The following ZNF131 variants were observed in gnomAD, a reference collection of about 807,000 sequenced individuals.
The protein encoded by ZNF131 is zinc finger and BTB domain containing 35, also known as zinc finger protein 131.
Under a neutral mutation model 60.0 loss-of-function variants are expected in ZNF131, and 7 were observed. That is an observed-to-expected ratio of 0.12 (90% confidence interval 0.07 to 0.22). The LOEUF (loss-of-function observed/expected upper bound fraction) is 0.22. Among genes scored for constraint, ZNF131 ranks in the 10% least tolerant of loss-of-function variants. The pLI is 1.00. For missense variants in ZNF131, 493 were observed against 740.9 expected, an observed-to-expected ratio of 0.67 and a Z score of 3.88; for synonymous variants, 257 against 253.2, an observed-to-expected ratio of 1.01 and a Z score of -0.14.
intron 4 of ZNF131, among the ~76,000 whole-genome samples, chr5:43,148,063 T>C (rs1277520142): frequency 3.0e-5 from 4 of 135,222 alleles, no homozygotes; most frequent in Non-Finnish European, 6.5e-5. Flanking sequence ...TTTTTTTTTC[T>C]GGAAAAAAGA....
chr5:43,122,276 T>G, intron 2 of ZNF131, 99 bp downstream of exon 2: 1 of 1,325,832 alleles, frequency 7.5e-7, no homozygotes, highest in Non-Finnish European at 1.0e-6. Flanking sequence ...TTTTAACCCA[T>G]CCTCTATGGT....
At chr5:43,123,452 A>G in intron 3 of ZNF131, 142 bp downstream of exon 3, 2 of 593,070 alleles carry the variant, frequency 3.4e-6, no homozygotes, top group Non-Finnish European at 5.5e-6. Flanking sequence ...AATAGGCATC[A>G]GTAGTTCCTG....
intron 4 of ZNF131, among the ~76,000 whole-genome samples, chr5:43,142,511 G>A (rs1049702259): frequency 1.3e-5 from 2 of 151,700 alleles, no homozygotes; most frequent in African/African-American, 4.8e-5. Context: ...TCACCGTCTT[G>A]GCCAGGCTGG....
chr5:43,128,588 C>T (rs181342218), intron 3 of ZNF131, among the ~76,000 whole-genome samples: 249 of 135,770 alleles, frequency 1.8e-3, no homozygotes, highest in African/African-American at 6.5e-3. Flanking sequence ...ACCTGGGAGG[C>T]GGAGCTTGCA....
At chr5:43,148,936 A>G (rs1208865098) in intron 4 of ZNF131, among the ~76,000 whole-genome samples, 3 of 152,132 alleles carry the variant, frequency 2.0e-5, no homozygotes, top group African/African-American at 4.8e-5. Context: ...TTTTATGTGC[A>G]TGTAATAGTA....
chr5:43,160,688 T>G (rs973317411), intron 4 of ZNF131, among the ~76,000 whole-genome samples: 2 of 147,404 alleles, frequency 1.4e-5, no homozygotes, highest in Non-Finnish European at 3.0e-5. Flanking sequence ...CTTTTTTTTT[T>G]TTTTTTTTTT....
At chr5:43,149,283 G>A (rs554238417) in intron 4 of ZNF131, among the ~76,000 whole-genome samples, 5 of 151,908 alleles carry the variant, frequency 3.3e-5, no homozygotes, top group Admixed American at 6.6e-5. Context: ...GGCTGGGCAC[G>A]GTGGCTCACG....
chr5:43,153,463 TAAAAAAAAAAAAAAA>T lies in ZNF131; in HGVS notation c.372-7774_372-7760del, dbSNP rs35596507. On this transcript the variant is annotated intron_variant, in intron 4 of 6. Coordinates refer to ENST00000682664, the MANE Select transcript of ZNF131 (RefSeq NM_001330707.2). Reference sequence around the variant, plus strand: ...CAACATGGTGAACTCCCATCTCTACTAAAAAAAAAAAAAAAAAAAAAAAAAAGCAAAATTAGCTGG... The same window carrying T: ...CAACATGGTGAACTCCCATCTCTACTAAAAAAAAAAAGCAAAATTAGCTGG... 3.3e-5 allele frequency among the ~76,000 whole-genome samples: 2 copies of T among 61,182 alleles called. 1 individual carries two copies. The highest frequency in any genetic ancestry group is 1.4e-3 in the East Asian group (2 of 1,448). The allele number at this position is 61,182 out of a possible 152,430, so 40.1% of individuals were successfully genotyped here.
chr5:43,164,138 C>T (rs759893362), intron 5 of ZNF131, among the ~76,000 whole-genome samples: 20 of 152,154 alleles, frequency 1.3e-4, no homozygotes, highest in Non-Finnish European at 2.4e-4. Context: ...TTTTGAACAA[C>T]GTGGGTTTGA....
At chr5:43,163,547 T>A (rs1472794313) in intron 5 of ZNF131, among the ~76,000 whole-genome samples, 1 of 152,246 alleles carries the variant, frequency 6.6e-6, no homozygotes, top group Non-Finnish European at 1.5e-5. Context: ...GTCCCTGACC[T>A]TGCTCAGGTT....
chr5:43,126,510 C>T (rs547784271), intron 3 of ZNF131, among the ~76,000 whole-genome samples: 4 of 152,248 alleles, frequency 2.6e-5, no homozygotes, highest in South Asian at 2.1e-4. Flanking sequence ...ATTTAGAGGA[C>T]GTTTCTTCTC....
intron 3 of ZNF131, among the ~76,000 whole-genome samples, chr5:43,130,767 T>G (rs1304291540): frequency 5.9e-5 from 9 of 152,156 alleles, no homozygotes; most frequent in Admixed American, 5.9e-4. Flanking sequence ...GGTTTCTCCA[T>G]GTTGGTCAGG....
At chr5:43,171,956 A>T in intron 5 of ZNF131, among the ~76,000 whole-genome samples, 1 of 152,196 alleles carries the variant, frequency 6.6e-6, no homozygotes, top group African/African-American at 2.4e-5. Flanking sequence ...GGGTCTCACT[A>T]TGTTGCCCAG....
intron 4 of ZNF131, among the ~76,000 whole-genome samples, chr5:43,148,175 C>T (rs1579811396): frequency 6.7e-6 from 1 of 149,918 alleles, no homozygotes; most frequent in East Asian, 2.0e-4. Context: ...AGTTCAAGAC[C>T]AGCCTGGGCA....
At chr5:43,159,855 CCTTT>C (rs1442362445) in intron 4 of ZNF131, among the ~76,000 whole-genome samples, 1 of 152,044 alleles carries the variant, frequency 6.6e-6, no homozygotes, top group East Asian at 1.9e-4. Context: ...ATGATTTCTG[CCTTT>C]CTTATGCTGT....
At chr5:43,167,991 G>A (rs1436902031) in intron 5 of ZNF131, 3 of 454,356 alleles carry the variant, frequency 6.6e-6, no homozygotes, top group East Asian at 7.0e-5. Context: ...TGCCAGTGGC[G>A]ACTCTGCAGA....
chr5:43,122,708 T>C (rs1039379869), intron 2 of ZNF131, among the ~76,000 whole-genome samples: 6 of 152,224 alleles, frequency 3.9e-5, no homozygotes, highest in African/African-American at 7.2e-5. Flanking sequence ...GTTTTCTGTT[T>C]AGCGAAAATA....
chr5:43,128,507 A>T (rs1006366872), intron 3 of ZNF131, among the ~76,000 whole-genome samples: 2 of 151,942 alleles, frequency 1.3e-5, no homozygotes, highest in African/African-American at 2.4e-5. Flanking sequence ...TACAAAAAAA[A>T]TTAGCTGGGC....
intron 4 of ZNF131, among the ~76,000 whole-genome samples, chr5:43,139,882 A>T (rs1440767807): frequency 6.6e-6 from 1 of 152,184 alleles, no homozygotes; most frequent in East Asian, 1.9e-4. Flanking sequence ...CTGAGGAGCC[A>T]TTCCTATTCC....
Sources: allele counts gnomAD v4.1 joint callset (sites outside exome capture counted in the v4.1 genomes callset), GRCh38; gene constraint gnomAD v4.1.1; transcripts MANE v1.5; gene names NCBI Gene and HGNC (gene_info 2026-07-23, HGNC 2026-07-21).